ARPP21: variants seen among roughly 807,000 people sequenced by gnomAD.
ARPP21 encodes the protein cAMP-regulated phosphoprotein 21.
A neutral mutation model predicts 113.2 loss-of-function variants in ARPP21; 69 were observed. The observed-to-expected ratio is 0.61, with a 90% CI of 0.50 to 0.74. The LOEUF (loss-of-function observed/expected upper bound fraction) is 0.74, where lower values mean the gene tolerates loss of function less well. Ranked by LOEUF, ARPP21 falls within the 30% of genes least tolerant of loss-of-function variation. ARPP21 has a pLI of 0.00. For missense variants in ARPP21, 1,070 were observed against 1,037.4 expected (o/e 1.03, Z -0.43); for synonymous variants, 368 against 375.5 (o/e 0.98, Z 0.23).
rs542852200 is a variant in ARPP21 at position 35,682,539 on chromosome 3, C to T, written c.130-309C>T. ...ACAGAAGTGTTAACTCTTTATATAC[C>T]AACAGTTAACAAAGGCAGATAACTG... On this transcript the variant is annotated intron_variant, in intron 3 of 20. Transcript: ENST00000684406. 2.2e-3 allele frequency: 646 copies of T among 294,516 alleles called. 6 individuals are homozygous for T. The highest frequency in any genetic ancestry group is 3.4e-3 in the Non-Finnish European group (549 of 161,078). 18.2% of individuals were successfully genotyped at this position (294,516 alleles called of 1,614,324 possible).
chr3:35,787,039 G>T (rs2151843907), intron 19 of ARPP21, among the ~76,000 whole-genome samples: 1 of 152,280 alleles, frequency 6.6e-6, no homozygotes, highest in East Asian at 1.9e-4. Flanking sequence ...CCCCAGTAAT[G>T]AAGTGAGACA....
At chr3:35,766,583 A>G (rs1559900009) in intron 19 of ARPP21, among the ~76,000 whole-genome samples, 1 of 152,118 alleles carries the variant, frequency 6.6e-6, no homozygotes, top group Admixed American at 6.6e-5. Context: ...GTAATTTATC[A>G]CTGGAGTGTC....
intron 1 of ARPP21, among the ~76,000 whole-genome samples, chr3:35,671,886 C>G (rs912395796): frequency 3.3e-5 from 5 of 152,006 alleles, no homozygotes; most frequent in Non-Finnish European, 7.4e-5. Context: ...GATGCCATCA[C>G]TTTCTCAGAA....
chr3:35,722,036 A>G (rs1227919412), intron 14 of ARPP21, among the ~76,000 whole-genome samples: 1 of 152,106 alleles, frequency 6.6e-6, no homozygotes, highest in Non-Finnish European at 1.5e-5. Flanking sequence ...AACCTCTCCA[A>G]GTTTCAGTTT....
rs147401576 is a variant in ARPP21, at chr3:35,721,993, C to G, written c.1225+159C>G. Among the ~76,000 whole-genome samples, 569 of 152,272 alleles carry G rather than the reference C, an allele frequency of 3.7e-3. 1 individual carries two copies. Among genetic ancestry groups the G allele is most frequent in the Middle Eastern group, 6.8e-3 (2 of 294 alleles). On this transcript the variant is annotated intron_variant, in intron 14 of 20. Coordinates refer to ENST00000684406, the MANE Select transcript of ARPP21 (RefSeq NM_001385562.1). Reference sequence around the variant, plus strand: ...AGGTACAATTTAAATAGGTTACTGACTCTTTCCAGTTATGTGCCTAGGTCA... The same window carrying G: ...AGGTACAATTTAAATAGGTTACTGAGTCTTTCCAGTTATGTGCCTAGGTCA...
At chr3:35,675,651 A>G (rs1246112596) in intron 1 of ARPP21, among the ~76,000 whole-genome samples, 3 of 151,920 alleles carry the variant, frequency 2.0e-5, no homozygotes, top group Non-Finnish European at 4.4e-5. Flanking sequence ...TGTTGGTGAA[A>G]GCACATTGGC....
chr3:35,691,459 C>A (rs531017013), intron 9 of ARPP21, among the ~76,000 whole-genome samples: 1 of 151,676 alleles, frequency 6.6e-6, no homozygotes, highest in African/African-American at 2.4e-5. Context: ...AACCTAGAGG[C>A]AGAAATCCTG....
At chr3:35,644,167 G>A (rs908605378) in intron 1 of ARPP21, among the ~76,000 whole-genome samples, 1 of 151,892 alleles carries the variant, frequency 6.6e-6, no homozygotes, top group Non-Finnish European at 1.5e-5. Context: ...AGATGTATCT[G>A]TAACTAGATT....
chr3:35,689,276 C>G (rs376517952), intron 6 of ARPP21, 31 bp from the exon 7 acceptor site: 18 of 1,041,980 alleles, frequency 1.7e-5, no homozygotes, highest in Non-Finnish European at 2.7e-5. Flanking sequence ...CACCATCATT[C>G]CTGACAGCTC....
chr3:35,660,431 C>T (rs528951235), intron 1 of ARPP21, among the ~76,000 whole-genome samples: 5 of 152,276 alleles, frequency 3.3e-5, no homozygotes, highest in Admixed American at 3.3e-4. Context: ...GCTTCCACCC[C>T]CTTATCCGCA....
intron 19 of ARPP21, among the ~76,000 whole-genome samples, chr3:35,767,776 C>T (rs1017927330): frequency 1.3e-5 from 2 of 151,980 alleles, no homozygotes; most frequent in Admixed American, 6.6e-5. Context: ...TTACTAAGAA[C>T]TTCATAAACC....
intron 9 of ARPP21, among the ~76,000 whole-genome samples, chr3:35,702,761 G>C (rs975102784): frequency 8.6e-5 from 13 of 151,802 alleles, no homozygotes; most frequent in Admixed American, 8.6e-4. Context: ...AAAAGAAAAT[G>C]AGGTGGTATA....
In ARPP21 at chr3:35,707,084, T is replaced by C. The variant is rs1482661170; in HGVS notation, c.795+2T>C. 3 of 1,609,658 alleles carry C rather than the reference T, an allele frequency of 1.9e-6. No individual in the cohort carries two copies. Among genetic ancestry groups the C allele is most frequent in the African/African-American group, 1.3e-5 (1 of 74,708 alleles). On this transcript the variant is annotated splice_donor_variant, in intron 10 of 20. Transcript: ENST00000684406. LOFTEE classifies it high-confidence loss of function. ...AGTATTGATAAAGAAGACAATCAGG[T>C]TGGTTCTCAAGTTTGAGAGTGGCTG...
At chr3:35,733,133 T>A (rs2094108686) in intron 15 of ARPP21, among the ~76,000 whole-genome samples, 1 of 152,118 alleles carries the variant, frequency 6.6e-6, no homozygotes, top group African/African-American at 2.4e-5. Flanking sequence ...ATTACTTCAC[T>A]TCTTGTGTGA....
chr3:35,781,300 C>T (rs528879545), intron 19 of ARPP21, among the ~76,000 whole-genome samples: 5 of 152,106 alleles, frequency 3.3e-5, no homozygotes, highest in Non-Finnish European at 7.4e-5. Flanking sequence ...GAAAAGTTAA[C>T]GAGTGAATGA....
intron 1 of ARPP21, among the ~76,000 whole-genome samples, chr3:35,673,869 G>C (rs1022185029): frequency 6.6e-6 from 1 of 151,902 alleles, no homozygotes; most frequent in African/African-American, 2.4e-5. Context: ...GTTCATGTCA[G>C]ATATAATGAT....
chr3:35,737,099 G>T, intron 15 of ARPP21, 79 bp from the exon 16 acceptor site: 1 of 816,126 alleles, frequency 1.2e-6, no homozygotes, highest in South Asian at 1.8e-5. Flanking sequence ...GTTACTTTTT[G>T]AGTATCTAAC....
At position 35,692,684 on chromosome 3, in the gene ARPP21, A is replaced by G. The variant is rs181744829; in HGVS notation, c.686+1679A>G. Among the ~76,000 whole-genome samples, 73 of 151,798 alleles carry G rather than the reference A, an allele frequency of 4.8e-4. No individual in the cohort carries two copies. The South Asian group carries it at 5.0e-3, about 10-fold the overall frequency. The stretch of plus-strand genomic sequence containing the variant: ...TCGGAGAATGGCTTTGAGAAAATTA[A>G]GCATTATATCAAGACTCCTGGTCAT... On this transcript the variant is annotated intron_variant, in intron 9 of 20. Coordinates refer to ENST00000684406, the MANE Select transcript of ARPP21 (RefSeq NM_001385562.1).
intron 3 of ARPP21, 44 bp from the exon 4 acceptor site, chr3:35,682,804 G>GTTTGTTTTATTTTAT: frequency 6.4e-7 from 1 of 1,565,118 alleles, no homozygotes; most frequent in Non-Finnish European, 8.7e-7. Context: ...GTTCGTTTTT[G>GTTTGTTTTATTTTAT]TTTGTTTTAT....
Sources: allele counts gnomAD v4.1 joint callset (sites outside exome capture counted in the v4.1 genomes callset), GRCh38; gene constraint gnomAD v4.1.1; transcripts MANE v1.5; gene names NCBI Gene and HGNC (gene_info 2026-07-23, HGNC 2026-07-21).